MAP2K6: variants seen among roughly 807,000 people sequenced by gnomAD.
MAP2K6 encodes the protein dual specificity mitogen-activated protein kinase kinase 6.
In MAP2K6, 16 loss-of-function variants were observed where a neutral mutation model predicts 53.7. The observed-to-expected ratio is 0.30, with a 90% CI of 0.20 to 0.45. The LOEUF (loss-of-function observed/expected upper bound fraction) is 0.45, where lower values mean the gene tolerates loss of function less well. MAP2K6 is among the 20% of genes least tolerant of loss of function. The pLI is 1.00. For missense variants in MAP2K6, 204 were observed against 411.9 expected (o/e 0.50, Z 4.37); for synonymous variants, 132 against 143.1 (o/e 0.92, Z 0.55).
chr17:69,424,281 C>G (rs995326663), intron 1 of MAP2K6, among the ~76,000 whole-genome samples: 1 of 152,116 alleles, frequency 6.6e-6, no homozygotes, highest in African/African-American at 2.4e-5. Flanking sequence ...GACAGAGGAG[C>G]TTTGGTAGAA....
intron 1 of MAP2K6, among the ~76,000 whole-genome samples, chr17:69,472,535 C>A (rs2715813): frequency 6.6e-6 from 1 of 151,766 alleles, no homozygotes; most frequent in African/African-American, 2.4e-5. Context: ...GATTAGTGGG[C>A]ATGTCTACAT....
intron 1 of MAP2K6, among the ~76,000 whole-genome samples, chr17:69,425,102 T>C (rs1906226050): frequency 6.6e-6 from 1 of 152,120 alleles, no homozygotes; most frequent in South Asian, 2.1e-4. Context: ...GTGTGGGGAT[T>C]TTGCAGCCCC....
At chr17:69,449,577 C>CTTTCTTTCTTTT (rs1907126213) in intron 1 of MAP2K6, among the ~76,000 whole-genome samples, 1 of 97,708 alleles carries the variant, frequency 1.0e-5, no homozygotes, top group African/African-American at 3.9e-5. Context: ...TTCTTTCTTT[C>CTTTCTTTCTTTT]TTTCTTTCTT....
intron 9 of MAP2K6, among the ~76,000 whole-genome samples, chr17:69,525,192 A>G (rs113331156): frequency 9.9e-4 from 150 of 152,190 alleles, no homozygotes; most frequent in African/African-American, 3.4e-3. Flanking sequence ...TCTTGATTCC[A>G]CCTCTGACGA....
intron 11 of MAP2K6, 129 bp from the exon 12 acceptor site, chr17:69,541,547 A>AGGAAAAGCCCTT: frequency 1.8e-6 from 1 of 564,184 alleles, no homozygotes; most frequent in East Asian, 3.2e-5. Flanking sequence ...TGGAAAGGGT[A>AGGAAAAGCCCTT]GGAAAAGCCC....
At chr17:69,479,176 GC>G (rs1410777315) in intron 1 of MAP2K6, among the ~76,000 whole-genome samples, 1 of 152,168 alleles carries the variant, frequency 6.6e-6, no homozygotes, top group Non-Finnish European at 1.5e-5. Context: ...GATGCATTCT[GC>G]GATGAAAGAG....
chr17:69,499,781 A>G (rs931843579), intron 1 of MAP2K6, among the ~76,000 whole-genome samples: 1 of 152,230 alleles, frequency 6.6e-6, no homozygotes, highest in African/African-American at 2.4e-5. Flanking sequence ...ATAATTCTAG[A>G]TTGTGAGAAA....
At chr17:69,459,308 G>T (rs1222977986) in intron 1 of MAP2K6, among the ~76,000 whole-genome samples, 1 of 151,984 alleles carries the variant, frequency 6.6e-6, no homozygotes, top group Admixed American at 6.6e-5. Context: ...TTGTTTTCTG[G>T]AATGCACCCA....
intron 1 of MAP2K6, among the ~76,000 whole-genome samples, chr17:69,460,190 CA>C (rs915967259): frequency 6.6e-6 from 1 of 152,104 alleles, no homozygotes; most frequent in Non-Finnish European, 1.5e-5. Flanking sequence ...GTCCTGTCAT[CA>C]AATAAACATA....
intron 1 of MAP2K6, among the ~76,000 whole-genome samples, chr17:69,464,207 C>T (rs1907722768): frequency 6.6e-6 from 1 of 151,710 alleles, no homozygotes; most frequent in Non-Finnish European, 1.5e-5. Flanking sequence ...GCCTCAGCCT[C>T]CCGAGTAGCT....
chr17:69,428,858 G>T (rs112030475), intron 1 of MAP2K6, among the ~76,000 whole-genome samples: 1,092 of 77,510 alleles, frequency 0.014, 19 homozygotes, highest in African/African-American at 0.068. Flanking sequence ...TTCTGTTTTT[G>T]TTTTTGTTTT....
chr17:69,481,234 A>G (rs1908341579), intron 1 of MAP2K6, among the ~76,000 whole-genome samples: 1 of 152,186 alleles, frequency 6.6e-6, no homozygotes, highest in African/African-American at 2.4e-5. Flanking sequence ...TTTAAGTGGA[A>G]TCATACAGTA....
chr17:69,538,619 C>G (rs1911471482), intron 11 of MAP2K6, among the ~76,000 whole-genome samples: 1 of 152,154 alleles, frequency 6.6e-6, no homozygotes, highest in African/African-American at 2.4e-5. Flanking sequence ...AAAAAATAAT[C>G]CTTTTTCCAG....
At chr17:69,510,808 T>A (rs1909771535) in intron 2 of MAP2K6, among the ~76,000 whole-genome samples, 1 of 152,106 alleles carries the variant, frequency 6.6e-6, no homozygotes, top group Non-Finnish European at 1.5e-5. Flanking sequence ...ATCCTTTTTT[T>A]TTTTCCCTGA....
chr17:69,528,859 C>CAAAAAA (rs58897757), intron 10 of MAP2K6, among the ~76,000 whole-genome samples: 3 of 59,120 alleles, frequency 5.1e-5, no homozygotes, highest in East Asian at 6.3e-4. Context: ...GACGCCATCT[C>CAAAAAA]AAAAAAAAAA....
At chr17:69,520,593 C>G (rs1910413418) in intron 6 of MAP2K6, 1 of 527,180 alleles carries the variant, frequency 1.9e-6, no homozygotes, top group Non-Finnish European at 3.3e-6. Context: ...TTGGCAGACT[C>G]TAGGTTAAAT....
intron 1 of MAP2K6, among the ~76,000 whole-genome samples, chr17:69,457,615 G>C (rs1001209979): frequency 6.6e-6 from 1 of 152,100 alleles, no homozygotes; most frequent in Non-Finnish European, 1.5e-5. Flanking sequence ...CGAGGCAGGA[G>C]GATCACTTGA....
chr17:69,449,535 TTC>T (rs1907107809), intron 1 of MAP2K6, among the ~76,000 whole-genome samples: 1 of 76,750 alleles, frequency 1.3e-5, no homozygotes, highest in Non-Finnish European at 2.6e-5. Flanking sequence ...TTCTTTGTCT[TTC>T]TTTCTTTCTT....
chr17:69,485,718 T>C (rs1908509743), intron 1 of MAP2K6, among the ~76,000 whole-genome samples: 1 of 152,158 alleles, frequency 6.6e-6, no homozygotes, highest in Non-Finnish European at 1.5e-5. Flanking sequence ...TTCACTCCTG[T>C]CTCTGAGGCT....
Sources: gnomAD v4.1 joint callset for allele counts (sites outside exome capture counted in the v4.1 genomes callset) on GRCh38, gnomAD v4.1.1 for gene constraint, MANE v1.5 for transcripts, NCBI Gene and HGNC (gene_info 2026-07-23, HGNC 2026-07-21) for gene names.